Variants in GABBR2 observed in about 807,000 individuals in gnomAD.
GABBR2 encodes the protein G-protein coupled receptor 51.
A neutral mutation model predicts 105.6 loss-of-function variants in GABBR2; 23 were observed. The observed-to-expected ratio is 0.22, with a 90% CI of 0.16 to 0.31. The LOEUF (loss-of-function observed/expected upper bound fraction) is 0.31. Among genes scored for constraint, GABBR2 ranks in the 10% least tolerant of loss-of-function variants. GABBR2 has a pLI of 1.00. For missense variants in GABBR2, 734 were observed against 1,245.5 expected (o/e 0.59, Z 6.18); for synonymous variants, 478 against 499.7 (o/e 0.96, Z 0.58).
intron 1 of GABBR2, among the ~76,000 whole-genome samples, chr9:98,582,974 A>C (rs1399390651): frequency 6.6e-6 from 1 of 152,184 alleles, no homozygotes; most frequent in African/African-American, 2.4e-5. Context: ...CTGGATTCCC[A>C]GTCTCTCAGC....
At chr9:98,367,241 T>C (rs1008338495) in intron 12 of GABBR2, among the ~76,000 whole-genome samples, 1 of 140,676 alleles carries the variant, frequency 7.1e-6, no homozygotes, top group Non-Finnish European at 1.5e-5. Flanking sequence ...AAAACTGCAT[T>C]GAAAAAAAGC....
intron 13 of GABBR2, among the ~76,000 whole-genome samples, chr9:98,345,310 C>T (rs1279893192): frequency 6.6e-6 from 1 of 152,170 alleles, no homozygotes; most frequent in Admixed American, 6.5e-5. Flanking sequence ...GATGAGATAT[C>T]TTTAATTTTG....
chr9:98,294,998 T>C (rs1458412388), intron 17 of GABBR2, among the ~76,000 whole-genome samples: 17 of 152,220 alleles, frequency 1.1e-4, no homozygotes, highest in Non-Finnish European at 1.5e-5. Flanking sequence ...TGGATTCATG[T>C]GGTCTGGAGG....
intron 1 of GABBR2, among the ~76,000 whole-genome samples, chr9:98,667,463 G>C (rs1341550168): frequency 6.6e-6 from 1 of 152,126 alleles, no homozygotes; most frequent in East Asian, 1.9e-4. Context: ...CCTCGGCCAA[G>C]TGAGCTGCGT....
At chr9:98,459,124 C>G (rs959343159) in intron 6 of GABBR2, among the ~76,000 whole-genome samples, 2 of 152,196 alleles carry the variant, frequency 1.3e-5, no homozygotes, top group Non-Finnish European at 2.9e-5. Flanking sequence ...AACAGCCCCT[C>G]AAAGAGCCAA....
rs777854376 is a variant in GABBR2, at chr9:98,388,036, G to A, written c.1529+818C>T. Among the ~76,000 whole-genome samples the A allele has an allele frequency of 6.6e-5, 10 of 152,144 alleles. No homozygotes were observed. Among genetic ancestry groups the A allele is most frequent in the Non-Finnish European group, 1.2e-4 (8 of 68,024 alleles). On this transcript the variant is annotated intron_variant, in intron 10 of 18. Coordinates refer to ENST00000259455, the MANE Select transcript of GABBR2 (RefSeq NM_005458.8). This position sits in a 1 kb window ranked among gnomAD's most constrained non-coding sequence, Gnocchi z 4.4. ...CTGTCCCCATGACGGCCCATGCTCT[G>A]CACCCCTGCTTATTCCACAAAAAGG...
chr9:98,362,592 A>T (rs750859247), intron 13 of GABBR2, 123 bp downstream of exon 13: 5 of 681,668 alleles, frequency 7.3e-6, no homozygotes, highest in Admixed American at 3.6e-5. Flanking sequence ...AATGGAAGGA[A>T]ATGGAACTGA....
In GABBR2 at chr9:98,447,263, G is replaced by A. The variant is rs894084686; in HGVS notation, c.1236+6718C>T. 7.5e-5 allele frequency among the ~76,000 whole-genome samples: 9 copies of A among 120,736 alleles called. 1 individual carries two copies. Among genetic ancestry groups the A allele is most frequent in the Non-Finnish European group, 1.7e-4 (9 of 54,514 alleles). The allele number at this position is 120,736 out of a possible 152,430, so 79.2% of individuals were successfully genotyped here. On this transcript the variant is annotated intron_variant, in intron 7 of 18. Coordinates refer to ENST00000259455, the MANE Select transcript of GABBR2 (RefSeq NM_005458.8). ...TTTTTAGTAGAGATGGGGTTTCACC[G>A]TTTTTTAGCCGGGATGGTCTCGATC...
chr9:98,398,329 C>G (rs1832330988), intron 8 of GABBR2, among the ~76,000 whole-genome samples: 1 of 150,848 alleles, frequency 6.6e-6, no homozygotes, highest in African/African-American at 2.5e-5. Flanking sequence ...AGGACCCACC[C>G]CCCAAACTCA....
chr9:98,453,136 C>T (rs896839580), intron 7 of GABBR2, among the ~76,000 whole-genome samples: 6 of 152,214 alleles, frequency 3.9e-5, no homozygotes, highest in Admixed American at 2.0e-4. Flanking sequence ...AAGCGATTCT[C>T]CTGCCTCAGC....
intron 4 of GABBR2, among the ~76,000 whole-genome samples, chr9:98,484,397 A>G (rs143252584): frequency 6.5e-4 from 99 of 152,248 alleles, no homozygotes; most frequent in African/African-American, 2.3e-3. Context: ...CTCCTTGACC[A>G]TTAGAGGGCC....
chr9:98,345,256 T>C (rs1171514002), intron 13 of GABBR2, among the ~76,000 whole-genome samples: 1 of 152,216 alleles, frequency 6.6e-6, no homozygotes, highest in East Asian at 1.9e-4. Context: ...CCTCCATCTG[T>C]TCTCACCGTG....
chr9:98,530,007 G>A (rs377293801), intron 3 of GABBR2, among the ~76,000 whole-genome samples: 43 of 152,226 alleles, frequency 2.8e-4, no homozygotes, highest in African/African-American at 1.0e-3. Context: ...TTGCTCATGC[G>A]GCTCTGGCAC....
chr9:98,566,758 G>C (rs891977699), intron 2 of GABBR2, among the ~76,000 whole-genome samples: 3 of 122,344 alleles, frequency 2.5e-5, no homozygotes, highest in Non-Finnish European at 4.8e-5. Flanking sequence ...GAGGTGGGAG[G>C]ATCACTTGAG....
At chr9:98,671,176 A>G (rs1401420247) in intron 1 of GABBR2, among the ~76,000 whole-genome samples, 1 of 151,932 alleles carries the variant, frequency 6.6e-6, no homozygotes, top group African/African-American at 2.4e-5. Flanking sequence ...CTCTCTGCCA[A>G]TCTCTAAGCA....
rs1828678379 is a variant in GABBR2 at position 98,561,944 on chromosome 9, A to G, written c.459+15991T>C. ...CACCAATATGATACTGAGGCAGGCAAGCATCATAAATTGATGCTAAAACCA... is the reference window on the plus strand; with the variant it reads ...CACCAATATGATACTGAGGCAGGCAGGCATCATAAATTGATGCTAAAACCA... On this transcript the variant is annotated intron_variant, in intron 2 of 18. Coordinates refer to ENST00000259455, the MANE Select transcript of GABBR2 (RefSeq NM_005458.8). Among the ~76,000 whole-genome samples, 4 of 152,320 alleles carry G rather than the reference A, an allele frequency of 2.6e-5. No individual in the cohort carries two copies. In the South Asian group the frequency reaches 8.3e-4, roughly 32 times the overall value.
rs1191625498 is a variant in GABBR2 at position 98,288,811 on chromosome 9, G to A, written c.*1773C>T. 2.0e-5 allele frequency: 3 copies of A among 152,550 alleles called. No homozygotes were observed. The highest frequency in any genetic ancestry group is 2.9e-5 in the Non-Finnish European group (2 of 68,034). The allele number at this position is 152,550 out of a possible 1,614,324, so 9.4% of individuals were successfully genotyped here. The stretch of plus-strand genomic sequence containing the variant: ...GAAGGGGAGCAGAAAGCTATGCTAC[G>A]TGAAATAGGGTGCTTTGAAATGTTG... On this transcript the variant is annotated 3_prime_UTR_variant, in exon 19 of 19. Transcript: ENST00000259455.
At chr9:98,655,106 G>A (rs535065406) in intron 1 of GABBR2, among the ~76,000 whole-genome samples, 18 of 152,268 alleles carry the variant, frequency 1.2e-4, no homozygotes, top group African/African-American at 4.1e-4. Context: ...GAGCACAGGG[G>A]ACTTTTAGGG....
chr9:98,492,955 G>A (rs1827209220), intron 4 of GABBR2, among the ~76,000 whole-genome samples: 1 of 152,164 alleles, frequency 6.6e-6, no homozygotes, highest in Admixed American at 6.5e-5. Flanking sequence ...TTGGAAGGAA[G>A]TAACTTAAGA....
Sources: allele counts gnomAD v4.1 joint callset (sites outside exome capture counted in the v4.1 genomes callset), GRCh38; gene constraint gnomAD v4.1.1; non-coding constraint Gnocchi (gnomAD v3.1); transcripts MANE v1.5; gene names NCBI Gene and HGNC (gene_info 2026-07-23, HGNC 2026-07-21).